The following DYTN variants were observed in gnomAD, a reference collection of about 807,000 sequenced individuals.
DYTN encodes dystrotelin.
A neutral mutation model predicts 69.6 loss-of-function variants in DYTN; 75 were observed. The observed-to-expected ratio is 1.08, with a 90% confidence interval of 0.89 to 1.31. DYTN has a LOEUF of 1.31. Ranked by LOEUF, DYTN falls within the 50% of genes most tolerant of loss-of-function variation. The pLI, the probability that DYTN is intolerant of heterozygous loss-of-function variation, is 0.00. For synonymous variants in DYTN, 252 were observed against 249.1 expected, an observed-to-expected ratio of 1.01 and a Z score of -0.11; for missense variants, 726 against 688.4, an observed-to-expected ratio of 1.05 and a Z score of -0.61.
At chr2:206,693,099 T>C (rs971492040) in intron 9 of DYTN, 76 bp downstream of exon 9, 3 of 1,489,598 alleles carry the variant, frequency 2.0e-6, no homozygotes, top group Non-Finnish European at 2.7e-6. Flanking sequence ...TTAGAAAGAT[T>C]GCTGGCCGGT....
intron 3 of DYTN, 113 bp from the exon 4 acceptor site, chr2:206,705,986 T>G: frequency 8.6e-7 from 1 of 1,167,108 alleles, no homozygotes; most frequent in Non-Finnish European, 1.2e-6. Context: ...GTGCTATAAG[T>G]TCCAACTTTT....
At chr2:206,676,388 T>G (rs1220046476) in intron 9 of DYTN, among the ~76,000 whole-genome samples, 3 of 150,208 alleles carry the variant, frequency 2.0e-5, no homozygotes, top group Admixed American at 6.6e-5. Flanking sequence ...TGAGAACACA[T>G]GGACACAGGG....
In DYTN at chr2:206,705,258, G is replaced by A. The variant is rs939796375; in HGVS notation, c.383-315C>T. 7.2e-5 allele frequency among the ~76,000 whole-genome samples: 11 copies of A among 152,096 alleles called. No individual in the cohort carries two copies. In the East Asian group the frequency reaches 9.6e-4, roughly 13 times the overall value. On this transcript the variant is annotated intron_variant, in intron 4 of 11. Coordinates refer to ENST00000452335, the MANE Select transcript of DYTN (RefSeq NM_001093730.1). ...ATTACAGGCGTGTGCCACCACACCCGGCTAATTTTTTGTATTTTTAGTAGA... is the reference window on the plus strand; with the variant it reads ...ATTACAGGCGTGTGCCACCACACCCAGCTAATTTTTTGTATTTTTAGTAGA...
chr2:206,677,162 G>A (rs1699699384), intron 9 of DYTN, among the ~76,000 whole-genome samples: 1 of 152,038 alleles, frequency 6.6e-6, no homozygotes, highest in Non-Finnish European at 1.5e-5. Context: ...TGGCCAAACT[G>A]GTCTCGAACT....
chr2:206,710,260 C>A (rs1048437084), intron 2 of DYTN, among the ~76,000 whole-genome samples: 3 of 152,104 alleles, frequency 2.0e-5, no homozygotes, highest in Non-Finnish European at 2.9e-5. Flanking sequence ...CTAGAAGAAG[C>A]CAAGTGGAGA....
Position 206,683,339 on chromosome 2 carries a change from C to CTTTTTTTTT in DYTN, c.980+9827_980+9835dup, listed in dbSNP as rs10531348. On this transcript the variant is annotated intron_variant, in intron 9 of 11. Transcript: ENST00000452335. The stretch of plus-strand genomic sequence containing the variant: ...TCCTCACCTCTTCTTTTTACTTTTT[C>CTTTTTTTTT]TTTTTTTTTTTTTTTTTTTTTTGAG... Among the ~76,000 whole-genome samples the CTTTTTTTTT allele has an allele frequency of 8.5e-4, 95 of 111,944 alleles. 1 individual carries two copies. Among genetic ancestry groups the CTTTTTTTTT allele is most frequent in the Non-Finnish European group, 1.5e-3 (79 of 54,300 alleles). The allele number at this position is 111,944 out of a possible 152,430, so 73.4% of individuals were successfully genotyped here. A position where few individuals can be genotyped will look rare whatever the true frequency, so the allele number is the denominator to read the frequency against.
At chr2:206,666,320 G>A (rs969751062) in intron 9 of DYTN, among the ~76,000 whole-genome samples, 1 of 152,100 alleles carries the variant, frequency 6.6e-6, no homozygotes, top group African/African-American at 2.4e-5. Flanking sequence ...CTGGCTATTG[G>A]AAAACCCTGT....
At chr2:206,654,191 A>G (rs1699421175) in intron 11 of DYTN, among the ~76,000 whole-genome samples, 1 of 152,178 alleles carries the variant, frequency 6.6e-6, no homozygotes, top group Admixed American at 6.5e-5. Context: ...CTGTATCTCT[A>G]TCTATCTATG....
At chr2:206,676,943 G>C (rs966694158) in intron 9 of DYTN, among the ~76,000 whole-genome samples, 3 of 151,892 alleles carry the variant, frequency 2.0e-5, no homozygotes, top group Non-Finnish European at 4.4e-5. Flanking sequence ...CTGATTAAAT[G>C]GTATTTATAT....
intron 9 of DYTN, among the ~76,000 whole-genome samples, chr2:206,668,445 G>A (rs1468271450): frequency 1.3e-5 from 2 of 152,170 alleles, no homozygotes; most frequent in Admixed American, 6.5e-5. Flanking sequence ...AATATTGCCA[G>A]CAACTGGGAG....
At chr2:206,705,993 T>A in intron 3 of DYTN, 120 bp from the exon 4 acceptor site, 2 of 1,016,618 alleles carry the variant, frequency 2.0e-6, no homozygotes, top group Non-Finnish European at 2.9e-6. Flanking sequence ...AAGTTCCAAC[T>A]TTTTGTGGCC....
intron 9 of DYTN, among the ~76,000 whole-genome samples, chr2:206,674,250 G>A (rs1478867034): frequency 6.6e-6 from 1 of 152,006 alleles, no homozygotes; most frequent in Non-Finnish European, 1.5e-5. Context: ...TAAAAGTTGA[G>A]CATATTTGAG....
chr2:206,693,711 A>G (rs1699889326), intron 8 of DYTN, among the ~76,000 whole-genome samples: 1 of 152,220 alleles, frequency 6.6e-6, no homozygotes, highest in African/African-American at 2.4e-5. Flanking sequence ...CATTCTGCAT[A>G]CAATTTCAGT....
intron 7 of DYTN, among the ~76,000 whole-genome samples, chr2:206,695,786 C>T (rs1360305055): frequency 1.3e-5 from 2 of 152,152 alleles, no homozygotes; most frequent in Admixed American, 1.3e-4. Context: ...AAACTCTGTC[C>T]TCATATGGTG....
intron 9 of DYTN, among the ~76,000 whole-genome samples, chr2:206,685,039 A>G (rs1261285159): frequency 2.0e-5 from 3 of 152,204 alleles, no homozygotes; most frequent in African/African-American, 4.8e-5. Flanking sequence ...TTACAGGACA[A>G]TGGAAGTACA....
chr2:206,675,115 A>ATATGTGTG (rs1553573104), intron 9 of DYTN, among the ~76,000 whole-genome samples: 28 of 131,540 alleles, frequency 2.1e-4, no homozygotes, highest in African/African-American at 6.1e-4. Flanking sequence ...ATATATATAT[A>ATATGTGTG]TGTGTGTGTG....
chr2:206,654,887 C>T (rs752128125), intron 11 of DYTN, among the ~76,000 whole-genome samples: 1 of 152,178 alleles, frequency 6.6e-6, no homozygotes, highest in Non-Finnish European at 1.5e-5. Flanking sequence ...CTTAACCATG[C>T]TCTCGTACAT....
intron 7 of DYTN, among the ~76,000 whole-genome samples, chr2:206,698,997 C>A (rs1699948683): frequency 6.6e-6 from 1 of 152,202 alleles, no homozygotes; most frequent in Admixed American, 6.5e-5. Context: ...AAGAATACAA[C>A]CCTTTGTATA....
In DYTN at chr2:206,657,068, A is replaced by G. The variant is rs201311199; in HGVS notation, c.1634-5147T>C. ...TGAGCCATCTCGCCCAGCCATCCCC[A>G]TACACTTTTCTTTTTGGTTTGTTTA... On this transcript the variant is annotated intron_variant, in intron 11 of 11. Transcript: ENST00000452335. Among the ~76,000 whole-genome samples the G allele has an allele frequency of 1.7e-4, 26 of 151,962 alleles. No individual in the cohort carries two copies. In the East Asian group the frequency reaches 4.8e-3, roughly 28 times the overall value.
Sources: allele counts gnomAD v4.1 joint callset (sites outside exome capture counted in the v4.1 genomes callset), GRCh38; gene constraint gnomAD v4.1.1; transcripts MANE v1.5; gene names NCBI Gene and HGNC (gene_info 2026-07-23, HGNC 2026-07-21).